PTPRN2: variants seen among roughly 807,000 people sequenced by gnomAD.
PTPRN2 encodes the protein receptor-type tyrosine-protein phosphatase N2.
PTPRN2 carries 74 observed loss-of-function variants against 118.8 expected under a neutral mutation model. That is an observed-to-expected ratio of 0.62 (90% CI 0.52 to 0.76). PTPRN2 has a LOEUF of 0.76. Ranked by LOEUF, PTPRN2 falls within the 30% of genes least tolerant of loss-of-function variation. The pLI, the probability that PTPRN2 is intolerant of heterozygous loss-of-function variation, is 0.00. For synonymous variants in PTPRN2, 641 were observed against 608.0 expected (o/e 1.05, Z -0.80); for missense variants, 1,481 against 1,394.4 (o/e 1.06, Z -0.99).
intron 2 of PTPRN2, among the ~76,000 whole-genome samples, chr7:158,427,833 A>G (rs576149056): frequency 4.3e-5 from 2 of 45,982 alleles, no homozygotes; most frequent in Non-Finnish European, 7.8e-5. Context: ...AGCCTAGCTG[A>G]GGCCTGCGCA....
chr7:157,665,233 C>T (rs373603521), intron 13 of PTPRN2, among the ~76,000 whole-genome samples: 5 of 152,248 alleles, frequency 3.3e-5, no homozygotes, highest in African/African-American at 7.2e-5. Flanking sequence ...CTAACAATCA[C>T]GAAGATGGCT....
In PTPRN2 at chr7:157,953,902, C is replaced by T. The variant is rs1800992056; in HGVS notation, c.1724-55165G>A. On this transcript the variant is annotated intron_variant, in intron 11 of 22. Coordinates refer to ENST00000389418, the MANE Select transcript of PTPRN2 (RefSeq NM_002847.5). This position sits in a 1 kb window ranked among gnomAD's most constrained non-coding sequence, Gnocchi z 4.6. ...CTGGTTTAAATATTCTCTCCTTTCC[C>T]TCACCATGGAATGCACAAACGCTTG... 6.6e-6 allele frequency among the ~76,000 whole-genome samples: 1 copy of T among 152,210 alleles called. No homozygotes were observed. Among genetic ancestry groups the T allele is most frequent in the African/African-American group, 2.4e-5 (1 of 41,454 alleles).
chr7:157,960,731 G>T (rs1362020942), intron 11 of PTPRN2, among the ~76,000 whole-genome samples: 1 of 152,236 alleles, frequency 6.6e-6, no homozygotes, highest in East Asian at 1.9e-4. Flanking sequence ...ACATGGTCAG[G>T]CATGGTGGCT....
intron 12 of PTPRN2, among the ~76,000 whole-genome samples, chr7:157,687,788 C>T (rs921172200): frequency 1.3e-5 from 2 of 152,214 alleles, no homozygotes; most frequent in Non-Finnish European, 2.9e-5. Flanking sequence ...CAGGCCATAG[C>T]AAGTGATCCA....
intron 11 of PTPRN2, among the ~76,000 whole-genome samples, chr7:157,978,287 G>A (rs189727925): frequency 5.3e-5 from 8 of 152,072 alleles, no homozygotes; most frequent in South Asian, 2.1e-4. Context: ...CATCTCCGCC[G>A]TCAGGAGTGG....
In PTPRN2 at chr7:158,316,813, C is replaced by CCCTA. The variant is rs1802368271; in HGVS notation, c.277+2_277+5dup. On this transcript the variant is annotated splice_donor_region_variant and intron_variant, in intron 3 of 22. Transcript: ENST00000389418. ...GCCGCCGAGCCTCGGCCCACGCCCG[C>CCCTA]CCTACCTGTGCCGGAAAGCTTCTGC... The CCCTA allele has an allele frequency of 6.3e-7, 1 of 1,594,224 alleles. No individual in the cohort carries two copies. The highest frequency in any genetic ancestry group is 1.3e-5 in the African/African-American group (1 of 74,598).
chr7:158,245,305 T>G (rs67530432), intron 3 of PTPRN2, among the ~76,000 whole-genome samples: 21,501 of 151,390 alleles, frequency 0.14, 1,963 homozygotes, highest in Admixed American at 0.23. Context: ...TCCGTGGTCA[T>G]GCCAGAATCC....
At chr7:157,924,978 G>A (rs73745031) in intron 11 of PTPRN2, among the ~76,000 whole-genome samples, 2,628 of 53,036 alleles carry the variant, frequency 0.05, 926 homozygotes, top group African/African-American at 0.23. Flanking sequence ...CCTGCATTTA[G>A]CACATCAGGC....
At chr7:158,385,497 C>T (rs1477377006) in intron 2 of PTPRN2, among the ~76,000 whole-genome samples, 1 of 152,150 alleles carries the variant, frequency 6.6e-6, no homozygotes, top group Non-Finnish European at 1.5e-5. Flanking sequence ...GTTTGGGCAT[C>T]CATGAAACAT....
chr7:158,200,899 G>A (rs1344819089), intron 4 of PTPRN2, among the ~76,000 whole-genome samples: 1 of 151,904 alleles, frequency 6.6e-6, no homozygotes, highest in East Asian at 1.9e-4. Context: ...ATGCTCAAAA[G>A]CAAATTATTT....
intron 17 of PTPRN2, among the ~76,000 whole-genome samples, chr7:157,594,596 C>T (rs1173822823): frequency 1.3e-5 from 2 of 152,238 alleles, no homozygotes; most frequent in African/African-American, 4.8e-5. Flanking sequence ...GACACGCGGC[C>T]GGTGCCTGTG....
intron 11 of PTPRN2, among the ~76,000 whole-genome samples, chr7:157,946,241 T>G (rs949250117): frequency 2.0e-5 from 3 of 151,990 alleles, no homozygotes; most frequent in Non-Finnish European, 4.4e-5. Context: ...AGCTGGCCCA[T>G]GCCTCATGGG....
At chr7:158,024,023 G>T (rs1807093471) in intron 11 of PTPRN2, among the ~76,000 whole-genome samples, 1 of 152,158 alleles carries the variant, frequency 6.6e-6, no homozygotes. Flanking sequence ...AAACAGAGCT[G>T]CTAACCACTG....
chr7:157,721,038 G>T (rs1799204410), intron 12 of PTPRN2, among the ~76,000 whole-genome samples: 1 of 151,954 alleles, frequency 6.6e-6, no homozygotes, highest in Non-Finnish European at 1.5e-5. Context: ...GGTCCACAGA[G>T]CTGACTATCA....
chr7:158,269,567 C>A (rs770608007), intron 3 of PTPRN2, among the ~76,000 whole-genome samples: 1 of 152,138 alleles, frequency 6.6e-6, no homozygotes, highest in Non-Finnish European at 1.5e-5. Flanking sequence ...GTTTTCAAGT[C>A]CCTGGGGTGG....
chr7:157,645,166 A>G (rs1804980094), intron 14 of PTPRN2, among the ~76,000 whole-genome samples: 1 of 152,224 alleles, frequency 6.6e-6, no homozygotes, highest in East Asian at 1.9e-4. Flanking sequence ...CCACACTTGC[A>G]CTTGGCAGGC....
At chr7:158,104,921 C>A (rs1260303916) in intron 10 of PTPRN2, among the ~76,000 whole-genome samples, 2 of 148,992 alleles carry the variant, frequency 1.3e-5, no homozygotes, top group African/African-American at 2.5e-5. Flanking sequence ...CCCAAGTCCA[C>A]ACAGCTCCAT....
rs1368598737 is a variant in PTPRN2 at position 158,171,298 on chromosome 7, TATATACACAC to T, written c.550-4017_550-4008del. ...ATACACACATATATATACACACATA[TATATACACAC>T]ATATATATATATATATATATATATA... On this transcript the variant is annotated intron_variant, in intron 5 of 22. Transcript: ENST00000389418. Among the ~76,000 whole-genome samples the T allele has an allele frequency of 2.5e-3, 67 of 26,302 alleles. 3 individuals are homozygous for T. The highest frequency in any genetic ancestry group is 9.5e-3 in the East Asian group (4 of 422). 17.3% of individuals were successfully genotyped at this position (26,302 alleles called of 152,430 possible). A position where few individuals can be genotyped will look rare whatever the true frequency, so the allele number is the denominator to read the frequency against.
chr7:158,033,569 T>C (rs1807848722), intron 11 of PTPRN2, among the ~76,000 whole-genome samples: 1 of 152,150 alleles, frequency 6.6e-6, no homozygotes, highest in South Asian at 2.1e-4. Context: ...GGATATAGTC[T>C]GATCTCAGGA....
Sources: gnomAD v4.1 joint callset for allele counts (sites outside exome capture counted in the v4.1 genomes callset) on GRCh38, gnomAD v4.1.1 for gene constraint, Gnocchi (gnomAD v3.1) non-coding constraint, MANE v1.5 for transcripts, NCBI Gene and HGNC (gene_info 2026-07-23, HGNC 2026-07-21) for gene names.